The following TENM4 variants were observed in gnomAD, a reference collection of about 807,000 sequenced individuals.
The protein encoded by TENM4 is teneurin transmembrane protein 4.
Under a neutral mutation model 243.3 loss-of-function variants are expected in TENM4, and 82 were observed. The observed-to-expected ratio is 0.34, with a 90% confidence interval of 0.28 to 0.40. TENM4 has a LOEUF of 0.40. Among genes scored for constraint, TENM4 ranks in the 10% least tolerant of loss-of-function variants. The pLI is 1.00. For missense variants in TENM4, 3,138 were observed against 3,673.3 expected (o/e 0.85, Z 3.77); for synonymous variants, 1,412 against 1,456.3 (o/e 0.97, Z 0.69).
Position 78,818,962 on chromosome 11 carries a change from A to T in TENM4, c.1682-4567T>A, listed in dbSNP as rs891760343. On this transcript the variant is annotated intron_variant, in intron 12 of 33. Coordinates refer to ENST00000278550, the MANE Select transcript of TENM4 (RefSeq NM_001098816.3). ...TTCTATCACAGCAGTGGGTCCTGGT[A>T]AAAAAAAAAAAAAAATACATGATTT... Among the ~76,000 whole-genome samples, 15 of 48,484 alleles carry T rather than the reference A, an allele frequency of 3.1e-4. 1 individual carries two copies. Among genetic ancestry groups the T allele is most frequent in the African/African-American group, 6.9e-4 (7 of 10,074 alleles). The allele number at this position is 48,484 out of a possible 152,430, so 31.8% of individuals were successfully genotyped here. A position where few individuals can be genotyped will look rare whatever the true frequency, so the allele number is the denominator to read the frequency against.
intron 12 of TENM4, among the ~76,000 whole-genome samples, chr11:78,831,296 G>A (rs561075054): frequency 3.7e-4 from 57 of 152,314 alleles, no homozygotes; most frequent in Admixed American, 1.1e-3. Context: ...ACTGTAACAC[G>A]AGCTTGGAGG....
intron 3 of TENM4, among the ~76,000 whole-genome samples, chr11:79,164,420 T>G (rs1357841458): frequency 7.3e-6 from 1 of 137,568 alleles, no homozygotes; most frequent in Non-Finnish European, 1.5e-5. Context: ...ATATAGTATG[T>G]AGTATATAGA....
At chr11:79,034,673 G>A (rs981440211) in intron 6 of TENM4, among the ~76,000 whole-genome samples, 17 of 152,012 alleles carry the variant, frequency 1.1e-4, no homozygotes, top group Middle Eastern at 3.4e-3. Flanking sequence ...AGATGCTAAC[G>A]GGTGCTCCAT....
chr11:78,718,054 C>T (rs1321541253), intron 25 of TENM4, among the ~76,000 whole-genome samples: 2 of 152,178 alleles, frequency 1.3e-5, no homozygotes, highest in African/African-American at 2.4e-5. Context: ...ACACAGCCTA[C>T]AGTTGCCAGT....
chr11:78,882,411 T>G (rs1184153061), intron 9 of TENM4, among the ~76,000 whole-genome samples: 2 of 152,162 alleles, frequency 1.3e-5, no homozygotes, highest in Admixed American at 1.3e-4. Flanking sequence ...TTGGCAGACT[T>G]AACCATTTTG....
chr11:78,758,675 T>C (rs1219664861), intron 18 of TENM4, among the ~76,000 whole-genome samples: 1 of 152,216 alleles, frequency 6.6e-6, no homozygotes, highest in African/African-American at 2.4e-5. Flanking sequence ...GTAAGCTACT[T>C]GATTGTCCTA....
At chr11:79,055,725 C>T (rs912398295) in intron 6 of TENM4, among the ~76,000 whole-genome samples, 13 of 152,050 alleles carry the variant, frequency 8.5e-5, no homozygotes, top group African/African-American at 2.4e-4. Flanking sequence ...TGAGTTTCTC[C>T]GTTTCTTCAT....
chr11:79,252,682 C>T (rs1306289134), intron 2 of TENM4, among the ~76,000 whole-genome samples: 1 of 152,184 alleles, frequency 6.6e-6, no homozygotes, highest in African/African-American at 2.4e-5. Context: ...TTCAGTACTT[C>T]CTACTACAGG....
At chr11:79,420,801 T>C (rs1858915744) in intron 1 of TENM4, among the ~76,000 whole-genome samples, 1 of 152,162 alleles carries the variant, frequency 6.6e-6, no homozygotes, top group Non-Finnish European at 1.5e-5. Context: ...ACCTAGTCCC[T>C]GGAGCTGGGA....
chr11:78,904,377 T>TAAAAAAAAAAAAAAAAAAAAAAAA (rs1333665292), intron 6 of TENM4, among the ~76,000 whole-genome samples: 2 of 100,182 alleles, frequency 2.0e-5, no homozygotes, highest in African/African-American at 1.0e-4. Flanking sequence ...AAAAAAAAAG[T>TAAAAAAAAAAAAAAAAAAAAAAAA]AAAACATAGA....
chr11:78,667,781 A>G (rs1344027930), intron 32 of TENM4, among the ~76,000 whole-genome samples: 3 of 152,216 alleles, frequency 2.0e-5, no homozygotes, highest in South Asian at 4.1e-4. Context: ...GGGCAGGAGA[A>G]TTGAATCGCA....
At chr11:79,075,386 C>G (rs1025719359) in intron 4 of TENM4, among the ~76,000 whole-genome samples, 1 of 152,222 alleles carries the variant, frequency 6.6e-6, no homozygotes, top group Non-Finnish European at 1.5e-5. Context: ...CTGGCCACCT[C>G]CTAGCTGTGT....
chr11:79,251,092 AG>A (rs1478339100), intron 2 of TENM4, among the ~76,000 whole-genome samples: 1 of 152,248 alleles, frequency 6.6e-6, no homozygotes, highest in Non-Finnish European at 1.5e-5. Context: ...AAGACATAGT[AG>A]GCCAGAAGTA....
chr11:78,759,061 G>A (rs1369951629), intron 18 of TENM4, among the ~76,000 whole-genome samples: 1 of 152,136 alleles, frequency 6.6e-6, no homozygotes, highest in East Asian at 1.9e-4. Context: ...CCTGAACTTA[G>A]AACATGGCTC....
intron 3 of TENM4, among the ~76,000 whole-genome samples, chr11:79,201,502 C>CAAAAAAAAA (rs11418108): frequency 6.9e-6 from 1 of 145,542 alleles, no homozygotes; most frequent in Non-Finnish European, 1.5e-5. Context: ...AATAACCAGG[C>CAAAAAAAAA]AAAAAAAAAA....
intron 23 of TENM4, among the ~76,000 whole-genome samples, chr11:78,725,499 ATCT>A (rs1470853302): frequency 1.3e-5 from 2 of 152,100 alleles, no homozygotes; most frequent in African/African-American, 4.8e-5. Flanking sequence ...GAAAGTCCTA[ATCT>A]TCTTACCCTG....
chr11:78,774,607 T>C (rs1419690797), intron 17 of TENM4, among the ~76,000 whole-genome samples: 1 of 152,198 alleles, frequency 6.6e-6, no homozygotes, highest in African/African-American at 2.4e-5. Flanking sequence ...ACACTCAATA[T>C]ATATTTGTTA....
chr11:78,885,762 C>T (rs1339684153), intron 9 of TENM4, among the ~76,000 whole-genome samples: 1 of 152,122 alleles, frequency 6.6e-6, no homozygotes, highest in Non-Finnish European at 1.5e-5. Flanking sequence ...TACACACACA[C>T]ACAAATTTAA....
chr11:79,094,667 A>G lies in TENM4; in HGVS notation c.-65-24658T>C, dbSNP rs188666101. On this transcript the variant is annotated intron_variant, in intron 4 of 33. Coordinates refer to ENST00000278550, the MANE Select transcript of TENM4 (RefSeq NM_001098816.3). Reference sequence around the variant, plus strand: ...TCTCCCCAGCCTAGGAGGCTAGGTCACAGGGCAAAATCATTCTTTCCTGGG... The same window carrying G: ...TCTCCCCAGCCTAGGAGGCTAGGTCGCAGGGCAAAATCATTCTTTCCTGGG... Among the ~76,000 whole-genome samples the G allele has an allele frequency of 3.3e-5, 5 of 152,294 alleles. No homozygotes were observed. The East Asian group carries it at 9.7e-4, about 29-fold the overall frequency.
Sources: gnomAD v4.1 joint callset for allele counts (sites outside exome capture counted in the v4.1 genomes callset) on GRCh38, gnomAD v4.1.1 for gene constraint, MANE v1.5 for transcripts, NCBI Gene and HGNC (gene_info 2026-07-23, HGNC 2026-07-21) for gene names.